ATP6V1H: variants seen among roughly 807,000 people sequenced by gnomAD.
ATP6V1H encodes the protein V-type proton ATPase subunit H.
ATP6V1H carries 39 observed loss-of-function variants against 71.7 expected under a neutral mutation model. That is an observed-to-expected ratio of 0.54 (90% CI 0.42 to 0.71). ATP6V1H has a LOEUF of 0.71. Ranked by LOEUF, ATP6V1H falls within the 30% of genes least tolerant of loss-of-function variation. The pLI, the probability that ATP6V1H is intolerant of heterozygous loss-of-function variation, is 0.00. For synonymous variants in ATP6V1H, 192 were observed against 199.3 expected (o/e 0.96, Z 0.31); for missense variants, 509 against 594.9 (o/e 0.86, Z 1.50).
intron 6 of ATP6V1H, among the ~76,000 whole-genome samples, 163 bp from the exon 7 acceptor site, chr8:53,811,380 C>T (rs1455567162): frequency 6.6e-6 from 1 of 152,088 alleles, no homozygotes; most frequent in Non-Finnish European, 1.5e-5. Flanking sequence ...AAGGGGATGA[C>T]ATAAAATGTT....
chr8:53,816,974 T>A (rs930558447), intron 5 of ATP6V1H, among the ~76,000 whole-genome samples: 3 of 152,180 alleles, frequency 2.0e-5, no homozygotes, highest in African/African-American at 7.2e-5. Flanking sequence ...CAGGCTTTGA[T>A]GCACTCCTTG....
intron 9 of ATP6V1H, among the ~76,000 whole-genome samples, chr8:53,775,942 G>A (rs1267801692): frequency 1.3e-5 from 2 of 152,248 alleles, no homozygotes; most frequent in Non-Finnish European, 2.9e-5. Context: ...GGGCGCCGTG[G>A]AGCAGGGGGC....
At chr8:53,780,746 T>C (rs1809089075) in intron 9 of ATP6V1H, among the ~76,000 whole-genome samples, 1 of 152,028 alleles carries the variant, frequency 6.6e-6, no homozygotes, top group Admixed American at 6.6e-5. Context: ...TGTGTCCATG[T>C]GTTCTCATTG....
chr8:53,789,392 G>T (rs1809493215), intron 9 of ATP6V1H, among the ~76,000 whole-genome samples: 1 of 152,062 alleles, frequency 6.6e-6, no homozygotes, highest in African/African-American at 2.4e-5. Context: ...TAGTACCTGG[G>T]CCAGGCACGG....
At chr8:53,728,150 C>T (rs918763860) in intron 13 of ATP6V1H, among the ~76,000 whole-genome samples, 1 of 152,180 alleles carries the variant, frequency 6.6e-6, no homozygotes, top group Non-Finnish European at 1.5e-5. Context: ...CCTGTTCAGT[C>T]CTCTAATTGC....
At chr8:53,742,942 C>A (rs1807468027) in intron 13 of ATP6V1H, among the ~76,000 whole-genome samples, 1 of 152,178 alleles carries the variant, frequency 6.6e-6, no homozygotes, top group Non-Finnish European at 1.5e-5. Flanking sequence ...CAACCTACAG[C>A]TAAAAGCAGC....
chr8:53,751,162 A>G (rs1020129875), intron 12 of ATP6V1H, among the ~76,000 whole-genome samples: 2 of 152,212 alleles, frequency 1.3e-5, no homozygotes, highest in African/African-American at 4.8e-5. Flanking sequence ...CTAAGTAACT[A>G]TCCATATATG....
intron 5 of ATP6V1H, 61 bp downstream of exon 5, chr8:53,817,356 A>G: frequency 8.7e-7 from 1 of 1,149,418 alleles, no homozygotes; most frequent in Non-Finnish European, 1.3e-6. Flanking sequence ...TGGACAACAT[A>G]GTGAGACCCT....
intron 9 of ATP6V1H, among the ~76,000 whole-genome samples, chr8:53,785,539 G>A (rs1012200790): frequency 2.8e-4 from 43 of 152,086 alleles, no homozygotes; most frequent in African/African-American, 9.7e-5. Flanking sequence ...CTCTCAACTC[G>A]TCAAAGTAAT....
intron 2 of ATP6V1H, among the ~76,000 whole-genome samples, chr8:53,837,199 A>T (rs545064226): frequency 6.6e-6 from 1 of 152,128 alleles, no homozygotes; most frequent in South Asian, 2.1e-4. Flanking sequence ...CTGTATTTCT[A>T]TGAAAATAAT....
rs778824554 is a variant in ATP6V1H, at chr8:53,814,774, C to A, written c.421-8G>T. The stretch of plus-strand genomic sequence containing the variant: ...GGCAATAATTCTTGCTGCCTGAAAA[C>A]AAATAAGAGATACATTTAACGCAAC... On this transcript the variant is annotated splice_region_variant and splice_polypyrimidine_tract_variant and intron_variant, in intron 5 of 13. Transcript: ENST00000359530. The A allele has an allele frequency of 1.3e-6, 2 of 1,577,584 alleles. No individual in the cohort carries two copies. The highest frequency in any genetic ancestry group is 2.7e-5 in the African/African-American group (2 of 74,146).
intron 13 of ATP6V1H, among the ~76,000 whole-genome samples, chr8:53,723,344 C>A (rs1229285778): frequency 1.3e-5 from 2 of 152,150 alleles, no homozygotes; most frequent in Admixed American, 6.5e-5. Context: ...ACCCTCCTCA[C>A]CCCTGATCCC....
At chr8:53,823,241 TA>T (rs1024750159) in intron 4 of ATP6V1H, among the ~76,000 whole-genome samples, 10 of 152,102 alleles carry the variant, frequency 6.6e-5, no homozygotes, top group African/African-American at 1.9e-4. Context: ...TCATATACTA[TA>T]AAAAAAGTAT....
chr8:53,786,793 T>A (rs191369899), intron 9 of ATP6V1H, among the ~76,000 whole-genome samples: 223 of 152,340 alleles, frequency 1.5e-3, no homozygotes, highest in South Asian at 5.6e-3. Flanking sequence ...AGAGGGATGT[T>A]GACATTTCTA....
intron 9 of ATP6V1H, among the ~76,000 whole-genome samples, chr8:53,785,372 G>A (rs962429980): frequency 1.6e-4 from 25 of 152,230 alleles, no homozygotes; most frequent in Admixed American, 6.5e-4. Flanking sequence ...TTCTCGTGCC[G>A]TGGTTTTCAG....
Position 53,841,596 on chromosome 8 carries a change from T to G in ATP6V1H, c.95A>C (p.Asn32Thr). The G allele has an allele frequency of 6.2e-7, 1 of 1,614,102 alleles. No individual in the cohort carries two copies. The highest frequency in any genetic ancestry group is 8.5e-7 in the Non-Finnish European group (1 of 1,179,990). ...KAAEVRANKV[N>T]WQSYLQGQMI... ...TACTTACTGAAGATAGGATTGCCAGTTGACTTTGTTTGCACGAACTTCTGC... is the reference window on the plus strand; with the variant it reads ...TACTTACTGAAGATAGGATTGCCAGGTGACTTTGTTTGCACGAACTTCTGC... The change falls in exon 2 of 14, where the codon AAC becomes ACC. Residue 32 changes from asparagine (N) to threonine (T), a missense_variant. By Grantham distance (65) the Asn-to-Thr change is moderately conservative. Coordinates refer to ENST00000359530, the MANE Select transcript of ATP6V1H (RefSeq NM_015941.4).
intron 9 of ATP6V1H, among the ~76,000 whole-genome samples, chr8:53,782,025 A>G (rs536079379): frequency 6.6e-6 from 1 of 152,130 alleles, no homozygotes; most frequent in African/African-American, 2.4e-5. Flanking sequence ...GCAATGCAGG[A>G]TCTTTTTTGG....
intron 13 of ATP6V1H, among the ~76,000 whole-genome samples, chr8:53,731,230 C>G (rs1372904201): frequency 6.6e-6 from 1 of 152,150 alleles, no homozygotes; most frequent in Non-Finnish European, 1.5e-5. Context: ...CCTGATCCCG[C>G]CTGTTCCCAA....
At chr8:53,803,267 G>A (rs1452169346) in intron 7 of ATP6V1H, among the ~76,000 whole-genome samples, 1 of 152,052 alleles carries the variant, frequency 6.6e-6, no homozygotes, top group Middle Eastern at 3.2e-3. Flanking sequence ...AACCCAGGAG[G>A]CAGAGGTTGC....
Sources: gnomAD v4.1 joint callset for allele counts (sites outside exome capture counted in the v4.1 genomes callset) on GRCh38, gnomAD v4.1.1 for gene constraint, MANE v1.5 for transcripts, NCBI Gene and HGNC (gene_info 2026-07-23, HGNC 2026-07-21) for gene names.